Variants in CSMD1 observed in about 807,000 individuals in gnomAD.
The protein encoded by CSMD1 is CUB and sushi domain-containing protein 1.
CSMD1 carries 213 observed loss-of-function variants against 417.5 expected under a neutral mutation model. The ratio of observed to expected loss-of-function variants is 0.51; its 90% confidence interval spans 0.46 to 0.57. CSMD1 has a LOEUF of 0.57. Among genes scored for constraint, CSMD1 ranks in the 20% least tolerant of loss-of-function variants. The pLI is 0.00. For missense variants in CSMD1, 6,923 were observed against 4,529.7 expected (o/e 1.53, Z -15.17); for synonymous variants, 2,862 against 1,736.8 (o/e 1.65, Z -16.11).
At chr8:4,704,442 A>C (rs868799912) in intron 1 of CSMD1, among the ~76,000 whole-genome samples, 6 of 152,198 alleles carry the variant, frequency 3.9e-5, no homozygotes, top group Admixed American at 2.0e-4. Context: ...CTAGGATTTC[A>C]ATAAATATTT....
At chr8:3,797,987 G>T (rs143313808) in intron 5 of CSMD1, among the ~76,000 whole-genome samples, 47 of 152,038 alleles carry the variant, frequency 3.1e-4, no homozygotes, top group African/African-American at 1.0e-3. Context: ...GTTTCAACGT[G>T]CATTTCCTTG....
chr8:3,021,489 G>A lies in CSMD1; in HGVS notation c.7856-2839C>T, dbSNP rs1437678033. Among the ~76,000 whole-genome samples the A allele has an allele frequency of 2.6e-5, 4 of 152,148 alleles. No homozygotes were observed. The East Asian group carries it at 7.7e-4, about 29-fold the overall frequency. On this transcript the variant is annotated intron_variant, in intron 51 of 69. Coordinates refer to ENST00000635120, the MANE Select transcript of CSMD1 (RefSeq NM_033225.6). The stretch of plus-strand genomic sequence containing the variant: ...ATTTTTATGTTCTTTTTCCTCTGAA[G>A]TTTCTAAAAATGAATTGCTTACGTT...
rs1278175938 is a variant in CSMD1, at chr8:3,409,503, G to T, written c.1664C>A (p.Ala555Glu). Residue 555 changes from alanine to glutamate, a missense_variant, in exon 13 of 70, where the codon GCG becomes GAG. Ala to Glu is a moderately radical substitution (Grantham distance 107). Transcript: ENST00000635120. ...TCTCTCCCCCACCAGCTCAAAGGCC[G>T]CCGGGCATTCAAAGGTGAGTGTATC... ...HGDTLTFECP[A>E]AFELVGERVI... The T allele has an allele frequency of 1.9e-6, 3 of 1,611,100 alleles. No homozygotes were observed. Among genetic ancestry groups the T allele is most frequent in the East Asian group, 2.2e-5 (1 of 44,766 alleles).
At chr8:4,752,749 C>A (rs975825070) in intron 1 of CSMD1, among the ~76,000 whole-genome samples, 2 of 151,978 alleles carry the variant, frequency 1.3e-5, no homozygotes, top group Non-Finnish European at 2.9e-5. Context: ...GGATTTGCTC[C>A]GTGGAAGGAC....
chr8:4,264,049 T>C (rs1180260462), intron 3 of CSMD1, among the ~76,000 whole-genome samples: 1 of 152,142 alleles, frequency 6.6e-6, no homozygotes, highest in South Asian at 2.1e-4. Context: ...GGCAAGTTTG[T>C]TAACTACCTG....
At chr8:3,939,752 T>C (rs1041841362) in intron 5 of CSMD1, among the ~76,000 whole-genome samples, 1 of 152,134 alleles carries the variant, frequency 6.6e-6, no homozygotes, top group African/African-American at 2.4e-5. Context: ...TTAGTCTAAG[T>C]GCAGTCACTC....
intron 3 of CSMD1, among the ~76,000 whole-genome samples, chr8:4,124,294 C>T (rs970944255): frequency 6.6e-6 from 1 of 152,266 alleles, no homozygotes; most frequent in East Asian, 1.9e-4. Flanking sequence ...TCAATTTAAA[C>T]AGTTATAATT....
chr8:3,402,518 G>A lies in CSMD1; in HGVS notation c.2267-2989C>T, dbSNP rs78317031. 7.2e-5 allele frequency among the ~76,000 whole-genome samples: 11 copies of A among 152,174 alleles called. No homozygotes were observed. The East Asian group carries it at 1.4e-3, about 19-fold the overall frequency. On this transcript the variant is annotated intron_variant, in intron 15 of 69. Coordinates refer to ENST00000635120, the MANE Select transcript of CSMD1 (RefSeq NM_033225.6). ...AGAGAGAAAGAGAAACCTTTTGCCC[G>A]GAGGCCATAAAATTTATACTCAACA...
chr8:3,071,086 C>T (rs931824666), intron 49 of CSMD1, among the ~76,000 whole-genome samples: 1 of 152,118 alleles, frequency 6.6e-6, no homozygotes, highest in African/African-American at 2.4e-5. Flanking sequence ...GGATGCCACA[C>T]ACCCAGGTCT....
intron 2 of CSMD1, among the ~76,000 whole-genome samples, chr8:4,531,044 T>A (rs1796793491): frequency 6.6e-6 from 1 of 152,168 alleles, no homozygotes; most frequent in South Asian, 2.1e-4. Context: ...TGGATTACGT[T>A]GATTGTATGA....
intron 2 of CSMD1, among the ~76,000 whole-genome samples, chr8:4,482,266 C>T (rs1180744267): frequency 1.3e-5 from 2 of 152,078 alleles, no homozygotes; most frequent in African/African-American, 4.8e-5. Context: ...CCCTTATAGC[C>T]CCCAGTGTGT....
chr8:4,409,467 C>G (rs1000122127), intron 3 of CSMD1, among the ~76,000 whole-genome samples: 1 of 152,072 alleles, frequency 6.6e-6, no homozygotes, highest in African/African-American at 2.4e-5. Flanking sequence ...AGCAAGAATG[C>G]CTATCTACCT....
In CSMD1 at chr8:3,212,892, C is replaced by G. The variant is rs1235534494; in HGVS notation, c.4867+1605G>C. Among the ~76,000 whole-genome samples the G allele has an allele frequency of 3.4e-5, 5 of 148,392 alleles. No individual in the cohort carries two copies. In the South Asian group the frequency reaches 6.4e-4, roughly 19 times the overall value. ...TTGCCCAAGCTGGAGTGTAATGGCA[C>G]AATCTCAGCTTCCACAACCTCTGCC... On this transcript the variant is annotated intron_variant, in intron 30 of 69. Coordinates refer to ENST00000635120, the MANE Select transcript of CSMD1 (RefSeq NM_033225.6).
chr8:4,957,941 A>G (rs573899424), intron 1 of CSMD1, among the ~76,000 whole-genome samples: 1 of 151,932 alleles, frequency 6.6e-6, no homozygotes, highest in Non-Finnish European at 1.5e-5. Context: ...TACTTGAAGT[A>G]CTCCTTCTGC....
chr8:3,328,628 G>T (rs904875345), intron 23 of CSMD1, among the ~76,000 whole-genome samples: 4 of 152,134 alleles, frequency 2.6e-5, no homozygotes, highest in African/African-American at 9.7e-5. Context: ...TGAGGGTTCA[G>T]AAAATATCCT....
chr8:4,096,946 C>T (rs1210642871), intron 3 of CSMD1, among the ~76,000 whole-genome samples: 1 of 152,146 alleles, frequency 6.6e-6, no homozygotes, highest in African/African-American at 2.4e-5. Flanking sequence ...AAAACAAACG[C>T]CATTTAGATG....
At chr8:4,417,922 G>C (rs370451665) in intron 3 of CSMD1, among the ~76,000 whole-genome samples, 1 of 152,012 alleles carries the variant, frequency 6.6e-6, no homozygotes, top group Middle Eastern at 3.4e-3. Flanking sequence ...TTTGGTACTT[G>C]CAATAAATAT....
At chr8:3,571,303 G>A (rs891054876) in intron 10 of CSMD1, among the ~76,000 whole-genome samples, 41 of 152,158 alleles carry the variant, frequency 2.7e-4, no homozygotes, top group African/African-American at 9.2e-4. Context: ...GACTTGGATG[G>A]ACAGTAGGCA....
rs192450489 is a variant in CSMD1 at position 4,140,339 on chromosome 8, C to G, written c.416-108240G>C. On this transcript the variant is annotated intron_variant, in intron 3 of 69. Transcript: ENST00000635120. Reference sequence around the variant, plus strand: ...TGGTGAAATCCCATCTCTACTAAAACAATACAAAATTAGCTGGGAATGGTG... The same window carrying G: ...TGGTGAAATCCCATCTCTACTAAAAGAATACAAAATTAGCTGGGAATGGTG... Among the ~76,000 whole-genome samples the G allele has an allele frequency of 3.3e-3, 503 of 150,796 alleles. 41 individuals are homozygous for G. Among genetic ancestry groups the G allele is most frequent in the African/African-American group, 0.011 (455 of 40,288 alleles).
Sources: allele counts gnomAD v4.1 joint callset (sites outside exome capture counted in the v4.1 genomes callset), GRCh38; gene constraint gnomAD v4.1.1; transcripts MANE v1.5; gene names NCBI Gene and HGNC (gene_info 2026-07-23, HGNC 2026-07-21).